Variants in SERPINA3 observed in about 807,000 individuals in gnomAD.
The protein encoded by SERPINA3 is serpin family A member 3.
Under a neutral mutation model 26.8 loss-of-function variants are expected in SERPINA3, and 32 were observed. The observed-to-expected ratio is 1.20, with a 90% confidence interval of 0.90 to 1.61. SERPINA3 has a LOEUF of 1.61. Among genes scored for constraint, SERPINA3 ranks in the 40% most tolerant of loss-of-function variants. SERPINA3 has a pLI of 0.00. For missense variants in SERPINA3, 632 were observed against 517.9 expected (o/e 1.22, Z -2.14); for synonymous variants, 252 against 206.4 (o/e 1.22, Z -1.89).
At chr14:94,614,393 C>T (rs1300869147) in intron 1 of SERPINA3, 41 bp from the exon 2 acceptor site, 1 of 1,596,196 alleles carries the variant, frequency 6.3e-7, no homozygotes, top group Non-Finnish European at 8.5e-7. Context: ...GGTCGGGGCT[C>T]CATCTGGCCC....
In SERPINA3 at chr14:94,622,996, C is replaced by A. The variant is rs150481463; in HGVS notation, c.1068+505C>A. Among the ~76,000 whole-genome samples the A allele has an allele frequency of 2.2e-3, 335 of 152,322 alleles. 2 individuals are homozygous for A. Among genetic ancestry groups the A allele is most frequent in the Non-Finnish European group, 4.1e-3 (277 of 68,024 alleles). On this transcript the variant is annotated intron_variant, in intron 4 of 4. Transcript: ENST00000393078. The stretch of plus-strand genomic sequence containing the variant: ...GCGCCAAGGCAGGGTGGCCATGCAG[C>A]CTTTTGCTCTTGTCTGCCCTCTGTG...
rs1595093682 is a variant in SERPINA3, at chr14:94,614,013, G to A, written c.-8-421G>A. The stretch of plus-strand genomic sequence containing the variant: ...GCAGTTGGGAGAATGAAGGAAGGGA[G>A]CCCCTGCTTTCTAATCCCCTAGGAT... On this transcript the variant is annotated intron_variant, in intron 1 of 4. Transcript: ENST00000393078. 5 of 183,580 alleles carry A rather than the reference G, an allele frequency of 2.7e-5. No homozygotes were observed. In the East Asian group the frequency reaches 6.7e-4, roughly 25 times the overall value. The allele number at this position is 183,580 out of a possible 1,614,324, so 11.4% of individuals were successfully genotyped here. A position where few individuals can be genotyped will look rare whatever the true frequency, so the allele number is the denominator to read the frequency against.
chr14:94,622,299 G>C, intron 3 of SERPINA3, 42 bp from the exon 4 acceptor site: 2 of 1,610,404 alleles, frequency 1.2e-6, no homozygotes, highest in Non-Finnish European at 1.7e-6. Flanking sequence ...GGTAGGTACT[G>C]ATCAGCAGAG....
Position 94,619,450 on chromosome 14 carries a change from G to T in SERPINA3, c.899G>T (p.Arg300Ile), listed in dbSNP as rs2139961120. The change falls in exon 3 of 5, where the codon AGA (arginine) becomes ATA (isoleucine). Residue 300 changes from arginine to isoleucine, a missense_variant. By Grantham distance (97) the Arg-to-Ile change is moderately conservative. Coordinates refer to ENST00000393078, the MANE Select transcript of SERPINA3 (RefSeq NM_001085.5). ...MLLPETLKRW[R>I]DSLEFREIGE... ...CTCCCAGAGACCCTGAAGCGGTGGA[G>T]AGACTCTCTGGAGTTCAGGTGATTC... 6.2e-7 allele frequency: 1 copy of T among 1,614,128 alleles called. No homozygotes were observed. The highest frequency in any genetic ancestry group is 2.2e-5 in the East Asian group (1 of 44,866).
At chr14:94,612,539 G>A in intron 1 of SERPINA3, 92 bp downstream of exon 1, 2 of 686,010 alleles carry the variant, frequency 2.9e-6, no homozygotes, top group Admixed American at 2.5e-5. Flanking sequence ...GAGTGTGAGG[G>A]GTAAGCAGAG....
intron 1 of SERPINA3, among the ~76,000 whole-genome samples, chr14:94,612,827 G>T (rs966626471): frequency 9.9e-5 from 15 of 152,138 alleles, no homozygotes; most frequent in Non-Finnish European, 2.2e-4. Context: ...ATTGCAGCAG[G>T]TCCCTCTGAG....
rs747423141 is a variant in SERPINA3, at chr14:94,619,208, G to A, written c.657G>A (p.Met219Ile). The A allele has an allele frequency of 3.7e-6, 6 of 1,613,708 alleles. No individual in the cohort carries two copies. Among genetic ancestry groups the A allele is most frequent in the Non-Finnish European group, 5.1e-6 (6 of 1,179,612 alleles). The stretch of plus-strand genomic sequence containing the variant: ...CTCCACCTTCAGCCAAATGGGAGAT[G>A]CCCTTTGACCCCCAAGATACTCATC... ...NYIFFKAKWEMPFDPQDTHQS... is the reference protein window; with the variant it reads ...NYIFFKAKWEIPFDPQDTHQS... Residue 219 changes from methionine to isoleucine, a missense_variant, in exon 3 of 5, where the codon ATG becomes ATA. Transcript: ENST00000393078.
In SERPINA3 at chr14:94,614,420, G is replaced by C. The variant is rs1229960189; in HGVS notation, c.-8-14G>C. 1 of 1,611,308 alleles carries C rather than the reference G, an allele frequency of 6.2e-7. No individual in the cohort carries two copies. On this transcript the variant is annotated splice_polypyrimidine_tract_variant and intron_variant, in intron 1 of 4. Coordinates refer to ENST00000393078, the MANE Select transcript of SERPINA3 (RefSeq NM_001085.5). ...ATCTGGCCCTCTGAGACTTAAAGGA[G>C]CTTTGCTTTTCAGAGTTGAGAATGG...
In SERPINA3 at chr14:94,619,286, T is replaced by A; in HGVS notation, c.735T>A (p.Ser245Arg). 1 of 1,614,006 alleles carries A rather than the reference T, an allele frequency of 6.2e-7. No individual in the cohort carries two copies. The highest frequency in any genetic ancestry group is 8.5e-7 in the Non-Finnish European group (1 of 1,179,984). ...AGTGGGTAATGGTGCCCATGATGAG[T>A]TTGCATCACCTGACTATACCTTACT... ...KKKWVMVPMMSLHHLTIPYFR... is the reference protein window; with the variant it reads ...KKKWVMVPMMRLHHLTIPYFR... The change falls in exon 3 of 5, where the codon AGT becomes AGA. Residue 245 changes from serine (S) to arginine (R), a missense_variant. By Grantham distance (110) the Ser-to-Arg change is moderately radical (BLOSUM62 -1). Coordinates refer to ENST00000393078, the MANE Select transcript of SERPINA3 (RefSeq NM_001085.5).
At chr14:94,618,657 TC>T (rs1317673384) in intron 2 of SERPINA3, 2 of 192,760 alleles carry the variant, frequency 1.0e-5, no homozygotes, top group African/African-American at 4.7e-5. Flanking sequence ...TTAAGGTTCT[TC>T]CTGTTCCTCC....
chr14:94,614,489 G>C lies in SERPINA3; in HGVS notation c.48G>C (p.Gly16=). 6.2e-7 allele frequency: 1 copy of C among 1,614,070 alleles called. No individual in the cohort carries two copies. The highest frequency in any genetic ancestry group is 1.1e-5 in the South Asian group (1 of 91,072). The change falls in exon 2 of 5, where the codon GGG becomes GGC. Residue 16 remains glycine, a synonymous_variant. Coordinates refer to ENST00000393078, the MANE Select transcript of SERPINA3 (RefSeq NM_001085.5). ...TGGCTCTGGGGCTCTTGGCGGCTGG[G>C]TTCTGCCCTGCTGTCCTCTGCCACC... is the stretch of plus-strand genomic sequence containing the variant. ...PLLALGLLAA[G]FCPAVLCHPN...
intron 3 of SERPINA3, among the ~76,000 whole-genome samples, chr14:94,620,549 G>A (rs747646959): frequency 6.6e-6 from 1 of 152,160 alleles, no homozygotes; most frequent in African/African-American, 2.4e-5. Flanking sequence ...GGAGTGCTGC[G>A]ATCCGAGTGT....
chr14:94,613,950 T>C (rs1327382275), intron 1 of SERPINA3: 1 of 171,972 alleles, frequency 5.8e-6, no homozygotes, highest in Admixed American at 5.4e-5. Context: ...CCTCTATCTC[T>C]GCCCAGGGCT....
intron 2 of SERPINA3, chr14:94,618,421 T>A (rs1792378253): frequency 6.6e-6 from 1 of 152,186 alleles, no homozygotes; most frequent in Non-Finnish European, 1.5e-5. Flanking sequence ...AGCCTCAGAG[T>A]CAGAACACCC....
chr14:94,615,492 C>T (rs544028292), intron 2 of SERPINA3: 10 of 459,354 alleles, frequency 2.2e-5, no homozygotes, highest in African/African-American at 9.9e-5. Context: ...GGGCTCCTGC[C>T]CTGCACATGT....
intron 1 of SERPINA3, chr14:94,613,594 C>G (rs553369194): frequency 2.8e-4 from 43 of 152,292 alleles, no homozygotes; most frequent in African/African-American, 9.1e-4. Flanking sequence ...GAGAGATGTA[C>G]AGTCACCTGC....
At chr14:94,616,700 C>T (rs1595095810) in intron 2 of SERPINA3, among the ~76,000 whole-genome samples, 3 of 152,244 alleles carry the variant, frequency 2.0e-5, no homozygotes, top group Admixed American at 2.0e-4. Context: ...AGGAAGGTTT[C>T]CCCTAGAAAA....
intron 4 of SERPINA3, among the ~76,000 whole-genome samples, chr14:94,623,328 C>T (rs1233434347): frequency 6.6e-6 from 1 of 152,304 alleles, no homozygotes; most frequent in Non-Finnish European, 1.5e-5. Flanking sequence ...AAAATAGACT[C>T]TCAACTCAGA....
chr14:94,623,836 G>A lies in SERPINA3; in HGVS notation c.*22G>A. On this transcript the variant is annotated 3_prime_UTR_variant, in exon 5 of 5. Coordinates refer to ENST00000393078, the MANE Select transcript of SERPINA3 (RefSeq NM_001085.5). ...CTAGAGCTTGCCATCAAGCAGTGGGGCTCTCAGTAAGGAACTTGGAATGCA... is the reference window on the plus strand; with the variant it reads ...CTAGAGCTTGCCATCAAGCAGTGGGACTCTCAGTAAGGAACTTGGAATGCA... The A allele has an allele frequency of 6.2e-7, 1 of 1,607,808 alleles. No homozygotes were observed. The highest frequency in any genetic ancestry group is 1.3e-5 in the African/African-American group (1 of 74,922).
Sources: gnomAD v4.1 joint callset for allele counts (sites outside exome capture counted in the v4.1 genomes callset) on GRCh38, gnomAD v4.1.1 for gene constraint, MANE v1.5 for transcripts, NCBI Gene and HGNC (gene_info 2026-07-23, HGNC 2026-07-21) for gene names.